Variants in HS3ST3A1 observed in about 807,000 individuals in gnomAD.
HS3ST3A1 encodes heparan sulfate-glucosamine 3-sulfotransferase 3A1, also known as heparan sulfate glucosamine 3-O-sulfotransferase 3A1.
A neutral mutation model predicts 25.7 loss-of-function variants in HS3ST3A1; 19 were observed. The ratio of observed to expected loss-of-function variants is 0.74; its 90% CI spans 0.52 to 1.08. HS3ST3A1 has a LOEUF of 1.08. Ranked by LOEUF, HS3ST3A1 falls within the 50% of genes least tolerant of loss-of-function variation. HS3ST3A1 has a pLI of 0.00. For synonymous variants in HS3ST3A1, 226 were observed against 278.6 expected (o/e 0.81, Z 1.88); for missense variants, 459 against 594.3 (o/e 0.77, Z 2.37).
At chr17:13,504,036 T>C (rs892243365) in intron 1 of HS3ST3A1, among the ~76,000 whole-genome samples, 1 of 152,212 alleles carries the variant, frequency 6.6e-6, no homozygotes, top group Non-Finnish European at 1.5e-5. Flanking sequence ...GTGAGTGGGC[T>C]GGGTGTGGTG....
chr17:13,505,811 G>T (rs1391479822), intron 1 of HS3ST3A1, among the ~76,000 whole-genome samples: 1 of 151,994 alleles, frequency 6.6e-6, no homozygotes, highest in Non-Finnish European at 1.5e-5. Flanking sequence ...AGATCACCAG[G>T]TCAGGAGTTC....
intron 1 of HS3ST3A1, among the ~76,000 whole-genome samples, chr17:13,590,183 G>A (rs1908384204): frequency 6.6e-6 from 1 of 151,998 alleles, no homozygotes. Flanking sequence ...AGGACCCAAA[G>A]ACCAATCACA....
rs1156323618 is a variant in HS3ST3A1 at position 13,494,424 on chromosome 17, T to C, written c.*1773A>G. Among the ~76,000 whole-genome samples, 1 of 152,234 alleles carries C rather than the reference T, an allele frequency of 6.6e-6. No individual in the cohort carries two copies. Among genetic ancestry groups the C allele is most frequent in the East Asian group, 1.9e-4 (1 of 5,200 alleles). The stretch of plus-strand genomic sequence containing the variant: ...AATATTTTTTCCTTCATTTTAATCC[T>C]GTGTTAAGCTTCTCAAGAAATATTT... On this transcript the variant is annotated 3_prime_UTR_variant, in exon 2 of 2. Coordinates refer to ENST00000284110, the MANE Select transcript of HS3ST3A1 (RefSeq NM_006042.3).
At chr17:13,507,354 T>C (rs1905719050) in intron 1 of HS3ST3A1, among the ~76,000 whole-genome samples, 1 of 152,184 alleles carries the variant, frequency 6.6e-6, no homozygotes, top group Non-Finnish European at 1.5e-5. Context: ...ATAATGTGAC[T>C]TATCCAAGCA....
chr17:13,555,119 C>A (rs1457439138), intron 1 of HS3ST3A1, among the ~76,000 whole-genome samples: 5 of 152,112 alleles, frequency 3.3e-5, no homozygotes, highest in Non-Finnish European at 4.4e-5. Context: ...CAGCGGTGAC[C>A]CCCATTTCTG....
At chr17:13,559,990 C>A (rs1290541287) in intron 1 of HS3ST3A1, among the ~76,000 whole-genome samples, 1 of 151,564 alleles carries the variant, frequency 6.6e-6, no homozygotes, top group Admixed American at 6.6e-5. Flanking sequence ...AGGAAAGGTA[C>A]AATAGTAAGA....
intron 1 of HS3ST3A1, among the ~76,000 whole-genome samples, chr17:13,599,675 G>A (rs934304746): frequency 4.6e-5 from 7 of 152,274 alleles, no homozygotes; most frequent in African/African-American, 9.6e-5. Flanking sequence ...ATTAAAGGTG[G>A]TCTGAATTTG....
intron 1 of HS3ST3A1, among the ~76,000 whole-genome samples, chr17:13,576,637 T>C (rs941442924): frequency 9.2e-5 from 14 of 152,260 alleles, no homozygotes; most frequent in Non-Finnish European, 1.9e-4. Flanking sequence ...TTTGTGGACA[T>C]ATCTGGAAGA....
rs1320898198 is a variant in HS3ST3A1, at chr17:13,601,177, G to A, written c.-48C>T. ...CAACGCGCCGGCCATGCTAGGCCTG[G>A]ACCCCGACAGGTGCCAGAGCATCCC... On this transcript the variant is annotated 5_prime_UTR_variant, in exon 1 of 2. Coordinates refer to ENST00000284110, the MANE Select transcript of HS3ST3A1 (RefSeq NM_006042.3). 7.3e-7 allele frequency: 1 copy of A among 1,372,600 alleles called. No individual in the cohort carries two copies. Among genetic ancestry groups the A allele is most frequent in the African/African-American group, 1.5e-5 (1 of 65,856 alleles). 85.0% of individuals were successfully genotyped at this position (1,372,600 alleles called of 1,614,324 possible).
intron 1 of HS3ST3A1, among the ~76,000 whole-genome samples, chr17:13,551,628 G>T (rs972163676): frequency 6.7e-6 from 1 of 149,094 alleles, no homozygotes; most frequent in Non-Finnish European, 1.5e-5. Context: ...AAAAAAAAGG[G>T]GGGGGGGTAT....
intron 1 of HS3ST3A1, among the ~76,000 whole-genome samples, chr17:13,567,878 C>T (rs1477823478): frequency 2.0e-5 from 3 of 152,148 alleles, no homozygotes; most frequent in Non-Finnish European, 4.4e-5. Flanking sequence ...GAAATGACAA[C>T]AAAGGATTTA....
At chr17:13,575,734 A>C (rs900527110) in intron 1 of HS3ST3A1, among the ~76,000 whole-genome samples, 6 of 152,240 alleles carry the variant, frequency 3.9e-5, no homozygotes, top group African/African-American at 1.2e-4. Context: ...CCGAAAGCCC[A>C]GCAGGTTTAG....
rs1001688256 is a variant in HS3ST3A1, at chr17:13,600,878, C to T, written c.252G>A (p.Ala84=). ...GTTGCAGGAGGCGCTTTCTCTGTGC[C>T]GCCGCCGGCCACACCGCCAGCTCCC... The part of the protein sequence containing the change: ...GPRELAVWPA[A]AQRKRLLQLP... The change falls in exon 1 of 2, where the codon GCG becomes GCA. Residue 84 remains alanine (A), a synonymous_variant. Transcript: ENST00000284110. The T allele has an allele frequency of 1.4e-6, 2 of 1,465,902 alleles. No individual in the cohort carries two copies. The highest frequency in any genetic ancestry group is 2.8e-5 in the Admixed American group (1 of 35,528). The allele number at this position is 1,465,902 out of a possible 1,614,324, so 90.8% of individuals were successfully genotyped here.
chr17:13,498,189 C>T (rs1567607150), intron 1 of HS3ST3A1, among the ~76,000 whole-genome samples: 1 of 152,184 alleles, frequency 6.6e-6, no homozygotes, highest in Non-Finnish European at 1.5e-5. Context: ...AATAAGTATT[C>T]CTGCTCCCAT....
chr17:13,552,610 C>T (rs1204357474), intron 1 of HS3ST3A1, among the ~76,000 whole-genome samples: 1 of 152,114 alleles, frequency 6.6e-6, no homozygotes, highest in Non-Finnish European at 1.5e-5. Flanking sequence ...AAAGAGAATC[C>T]CCATGTATAC....
At chr17:13,598,489 A>G (rs182399750) in intron 1 of HS3ST3A1, among the ~76,000 whole-genome samples, 1 of 152,352 alleles carries the variant, frequency 6.6e-6, no homozygotes, top group Admixed American at 6.5e-5. Flanking sequence ...ACATTGCTCC[A>G]ACACTTAGAA....
At chr17:13,581,824 T>C (rs572021348) in intron 1 of HS3ST3A1, among the ~76,000 whole-genome samples, 145 of 152,346 alleles carry the variant, frequency 9.5e-4, no homozygotes, top group Non-Finnish European at 1.8e-3. Flanking sequence ...AATGAGATTT[T>C]GTGATAGTGT....
chr17:13,550,992 G>A (rs1027338425), intron 1 of HS3ST3A1, among the ~76,000 whole-genome samples: 7 of 151,076 alleles, frequency 4.6e-5, no homozygotes, highest in African/African-American at 1.7e-4. Context: ...GCATGAACCC[G>A]GGAGGCGAAG....
Position 13,568,494 on chromosome 17 carries a change from A to G in HS3ST3A1, c.599+32037T>C, listed in dbSNP as rs141537982. Among the ~76,000 whole-genome samples, 325 of 152,008 alleles carry G rather than the reference A, an allele frequency of 2.1e-3. 2 individuals are homozygous for G. The highest frequency in any genetic ancestry group is 7.4e-3 in the African/African-American group (305 of 41,464). On this transcript the variant is annotated intron_variant, in intron 1 of 1. Transcript: ENST00000284110. ...TGAGTTTTTAACTTCAACATTTACA[A>G]TTTTTCATTTCACATTCTATTTGGC...
Sources: allele counts gnomAD v4.1 joint callset (sites outside exome capture counted in the v4.1 genomes callset), GRCh38; gene constraint gnomAD v4.1.1; transcripts MANE v1.5; gene names NCBI Gene and HGNC (gene_info 2026-07-23, HGNC 2026-07-21).